EXOC4: variants seen among roughly 807,000 people sequenced by gnomAD.
EXOC4 encodes the protein SEC8-like 1.
EXOC4 carries 71 observed loss-of-function variants against 107.2 expected under a neutral mutation model. That is an observed-to-expected ratio of 0.66 (90% CI 0.55 to 0.81). EXOC4 has a LOEUF of 0.81. Among genes scored for constraint, EXOC4 ranks in the 30% least tolerant of loss-of-function variants. The probability of loss-of-function intolerance (pLI) is 0.00; values close to 1 mark genes in which losing one functional copy is unlikely to be tolerated. For missense variants in EXOC4, 1,108 were observed against 1,189.6 expected, an observed-to-expected ratio of 0.93 and a Z score of 1.01; for synonymous variants, 456 against 441.2, an observed-to-expected ratio of 1.03 and a Z score of -0.42.
At chr7:134,011,428 CT>C (rs1490454163) in intron 17 of EXOC4, among the ~76,000 whole-genome samples, 6 of 152,076 alleles carry the variant, frequency 3.9e-5, no homozygotes, top group Admixed American at 3.9e-4. Flanking sequence ...CTTTTTTCTC[CT>C]TTATTTCTCC....
intron 3 of EXOC4, among the ~76,000 whole-genome samples, chr7:133,303,420 C>T (rs547397983): frequency 3.0e-4 from 45 of 152,162 alleles, no homozygotes; most frequent in Admixed American, 5.2e-4. Context: ...GGCAACACGG[C>T]AAGACTCCAT....
chr7:133,755,627 C>G (rs1325557514), intron 10 of EXOC4, among the ~76,000 whole-genome samples: 1 of 151,868 alleles, frequency 6.6e-6, no homozygotes, highest in African/African-American at 2.4e-5. Flanking sequence ...CAGGCATGAG[C>G]CACTTCGCCT....
At chr7:134,015,817 G>A (rs1006098260) in intron 17 of EXOC4, among the ~76,000 whole-genome samples, 1 of 150,378 alleles carries the variant, frequency 6.6e-6, no homozygotes, top group Admixed American at 6.7e-5. Flanking sequence ...GGAGGTTGGA[G>A]TGAGCTGAGA....
chr7:133,256,611 CT>C (rs1408408526), intron 1 of EXOC4, among the ~76,000 whole-genome samples: 2 of 152,042 alleles, frequency 1.3e-5, no homozygotes, highest in African/African-American at 4.8e-5. Flanking sequence ...AGTAGTTTTT[CT>C]TTTTTGAATA....
intron 9 of EXOC4, among the ~76,000 whole-genome samples, chr7:133,546,449 G>T (rs1216624523): frequency 6.6e-6 from 1 of 151,498 alleles, no homozygotes; most frequent in Non-Finnish European, 1.5e-5. Context: ...TTGAGATGAG[G>T]TTTACCATGT....
At chr7:133,812,663 A>G (rs577851007) in intron 10 of EXOC4, among the ~76,000 whole-genome samples, 91 of 152,260 alleles carry the variant, frequency 6.0e-4, no homozygotes, top group African/African-American at 5.8e-4. Flanking sequence ...TATGATATAC[A>G]TGTTTTGAAA....
At chr7:133,497,209 T>C (rs1023075846) in intron 9 of EXOC4, among the ~76,000 whole-genome samples, 4 of 152,090 alleles carry the variant, frequency 2.6e-5, no homozygotes, top group Non-Finnish European at 5.9e-5. Flanking sequence ...ACCCTAAACA[T>C]AGGACTCAGC....
intron 14 of EXOC4, among the ~76,000 whole-genome samples, chr7:133,951,471 C>T (rs992551730): frequency 6.6e-6 from 1 of 152,208 alleles, no homozygotes; most frequent in Admixed American, 6.5e-5. Flanking sequence ...TTTCCTCATT[C>T]TTAGTCTTCC....
At chr7:133,598,797 C>A (rs775540830) in intron 9 of EXOC4, among the ~76,000 whole-genome samples, 2 of 152,036 alleles carry the variant, frequency 1.3e-5, no homozygotes, top group Non-Finnish European at 2.9e-5. Context: ...GCCTGGCCAA[C>A]ATGGTGAAAC....
chr7:133,319,542 T>C (rs761407796), intron 5 of EXOC4, among the ~76,000 whole-genome samples: 20 of 152,126 alleles, frequency 1.3e-4, no homozygotes, highest in Non-Finnish European at 2.6e-4. Flanking sequence ...CGAGCTGGAG[T>C]GCAGTGGTGC....
chr7:133,927,792 A>C (rs1416800945), intron 13 of EXOC4, among the ~76,000 whole-genome samples: 1 of 152,230 alleles, frequency 6.6e-6, no homozygotes, highest in Non-Finnish European at 1.5e-5. Flanking sequence ...GAACGCTGCC[A>C]GGCAAGTCTG....
intron 9 of EXOC4, chr7:133,484,091 C>T (rs1202693628): frequency 6.2e-7 from 1 of 1,613,188 alleles, no homozygotes; most frequent in Admixed American, 1.7e-5. Flanking sequence ...CATTAAAAAG[C>T]TCAAATTTTA....
intron 10 of EXOC4, among the ~76,000 whole-genome samples, chr7:133,693,522 A>G (rs1316462050): frequency 2.6e-5 from 4 of 152,170 alleles, no homozygotes; most frequent in South Asian, 2.1e-4. Context: ...TGCATCCTTC[A>G]ATCCAATCCG....
In EXOC4 at chr7:133,664,854, G is replaced by GA. The variant is rs1409005445; in HGVS notation, c.1514+34722dup. On this transcript the variant is annotated intron_variant, in intron 10 of 17. Coordinates refer to ENST00000253861, the MANE Select transcript of EXOC4 (RefSeq NM_021807.4). ...TGTTTTTGGTAAGGTAATGAAGAAGGAAAAAAAAAGTCTCATCCAAAGATG... is the reference window on the plus strand; with the variant it reads ...TGTTTTTGGTAAGGTAATGAAGAAGGAAAAAAAAAAGTCTCATCCAAAGATG... 1.5e-3 allele frequency among the ~76,000 whole-genome samples: 222 copies of GA among 150,856 alleles called. 1 individual carries two copies. The highest frequency in any genetic ancestry group is 4.8e-3 in the African/African-American group (197 of 41,172).
At chr7:134,041,607 C>T (rs2116530077) in intron 17 of EXOC4, among the ~76,000 whole-genome samples, 1 of 152,228 alleles carries the variant, frequency 6.6e-6, no homozygotes, top group East Asian at 1.9e-4. Context: ...GTTAGAATTT[C>T]ATTGCACCTT....
At chr7:133,512,493 T>C (rs751288651) in intron 9 of EXOC4, among the ~76,000 whole-genome samples, 3 of 151,702 alleles carry the variant, frequency 2.0e-5, no homozygotes, top group Admixed American at 6.6e-5. Flanking sequence ...AAATCTTCTC[T>C]GGGGAGGATC....
chr7:133,952,623 A>G, intron 14 of EXOC4, among the ~76,000 whole-genome samples: 1 of 152,162 alleles, frequency 6.6e-6, no homozygotes, highest in South Asian at 2.1e-4. Context: ...CTAAAACTCC[A>G]TATTCCTTAA....
chr7:133,607,686 G>A (rs1017418449), intron 9 of EXOC4, among the ~76,000 whole-genome samples: 2 of 152,102 alleles, frequency 1.3e-5, no homozygotes, highest in Non-Finnish European at 2.9e-5. Context: ...CATCTCTCTC[G>A]TGCTTTAAGA....
At chr7:134,068,910 T>G (rs1796225006), downstream of EXOC4, among the ~76,000 whole-genome samples, 1 of 152,220 alleles carries the variant, frequency 6.6e-6, no homozygotes, top group African/African-American at 2.4e-5. Flanking sequence ...TAGAATTGCC[T>G]GTTACAGCTC....
Sources: allele counts gnomAD v4.1 joint callset (sites outside exome capture counted in the v4.1 genomes callset), GRCh38; gene constraint gnomAD v4.1.1; transcripts MANE v1.5; gene names NCBI Gene and HGNC (gene_info 2026-07-23, HGNC 2026-07-21).